COL5A2: variants seen among roughly 807,000 people sequenced by gnomAD.
COL5A2 encodes collagen type V alpha 2 chain.
In COL5A2, 23 loss-of-function variants were observed where a neutral mutation model predicts 208.2. The ratio of observed to expected loss-of-function variants is 0.11; its 90% CI spans 0.08 to 0.16. The LOEUF (loss-of-function observed/expected upper bound fraction) is 0.16. Ranked by LOEUF, COL5A2 falls within the 10% of genes least tolerant of loss-of-function variation. The pLI is 1.00. For synonymous variants in COL5A2, 625 were observed against 628.5 expected (o/e 0.99, Z 0.08); for missense variants, 1,590 against 1,956.4 (o/e 0.81, Z 3.53).
At chr2:189,440,405 G>C in the COL5A2 span, among the ~76,000 whole-genome samples, 1 of 152,144 alleles carries the variant, frequency 6.6e-6, no homozygotes, top group Non-Finnish European at 1.5e-5. Flanking sequence ...TTGCTCCTAG[G>C]CTACAAATCT....
chr2:189,329,393 T>C, the COL5A2 span, among the ~76,000 whole-genome samples: 1 of 152,202 alleles, frequency 6.6e-6, no homozygotes, highest in East Asian at 1.9e-4. Context: ...ACATGTTTTA[T>C]ACATCTATTG....
chr2:189,118,718 T>C lies in COL5A2; in HGVS notation c.98-8269A>G, dbSNP rs573224232. On this transcript the variant is annotated intron_variant, in intron 1 of 53. Transcript: ENST00000374866. ...GGAGGCATGGGTGAAAGGAGACTAG[T>C]GCTGTCATCCCAAAGGCCAATTTCT... is the stretch of plus-strand genomic sequence containing the variant. 1.1e-4 allele frequency among the ~76,000 whole-genome samples: 17 copies of C among 152,266 alleles called. No individual in the cohort carries two copies. In the South Asian group the frequency reaches 3.3e-3, roughly 30 times the overall value.
chr2:189,260,690 G>A, the COL5A2 span, among the ~76,000 whole-genome samples: 2 of 152,154 alleles, frequency 1.3e-5, no homozygotes, highest in Admixed American at 1.3e-4. Flanking sequence ...TCTGCTAATG[G>A]CATTTGGCAA....
chr2:189,439,896 T>C, the COL5A2 span, among the ~76,000 whole-genome samples: 7 of 152,218 alleles, frequency 4.6e-5, no homozygotes, highest in Non-Finnish European at 1.0e-4. Context: ...CTGTATCAGG[T>C]TACAAAGTAC....
intron 1 of COL5A2, among the ~76,000 whole-genome samples, chr2:189,209,548 C>G (rs1011814019): frequency 1.3e-5 from 2 of 152,172 alleles, no homozygotes; most frequent in Admixed American, 6.5e-5. Context: ...CCAGGTCACA[C>G]AGATAGTAGT....
intron 2 of COL5A2, among the ~76,000 whole-genome samples, chr2:189,109,066 C>T (rs1687208613): frequency 1.3e-5 from 2 of 150,972 alleles, no homozygotes; most frequent in African/African-American, 4.9e-5. Flanking sequence ...GTAAATTTAG[C>T]TGAACTCAAC....
chr2:189,419,898 GGAGAA>G, the COL5A2 span, among the ~76,000 whole-genome samples: 1 of 132,760 alleles, frequency 7.5e-6, no homozygotes, highest in African/African-American at 2.9e-5. Flanking sequence ...GGAGAGGAGA[GGAGAA>G]GAGGAGGAGG....
chr2:189,351,303 C>T, the COL5A2 span, among the ~76,000 whole-genome samples: 1 of 152,276 alleles, frequency 6.6e-6, no homozygotes, highest in Middle Eastern at 3.4e-3. Context: ...AGATTGTACA[C>T]GTATTCACAA....
chr2:189,389,643 T>C, the COL5A2 span, among the ~76,000 whole-genome samples: 1 of 152,180 alleles, frequency 6.6e-6, no homozygotes, highest in African/African-American at 2.4e-5. Context: ...GCTGGAAATC[T>C]GTAAAGGAGT....
chr2:189,249,100 G>A, the COL5A2 span, among the ~76,000 whole-genome samples: 33 of 152,038 alleles, frequency 2.2e-4, no homozygotes, highest in Non-Finnish European at 4.1e-4. Flanking sequence ...AAACTTTCAG[G>A]AAATGAAGTT....
At chr2:189,370,168 C>CT in the COL5A2 span, among the ~76,000 whole-genome samples, 40 of 152,130 alleles carry the variant, frequency 2.6e-4, no homozygotes, top group African/African-American at 8.7e-4. Context: ...TCTCCATTGT[C>CT]TTTTTTCTGG....
intron 16 of COL5A2, among the ~76,000 whole-genome samples, chr2:189,076,961 G>A (rs1022602138): frequency 7.2e-5 from 11 of 152,108 alleles, no homozygotes; most frequent in African/African-American, 2.7e-4. Context: ...TGTAGTCCCA[G>A]CTATTTGGGT....
the COL5A2 span, among the ~76,000 whole-genome samples, chr2:189,246,605 A>G: frequency 6.6e-6 from 1 of 152,228 alleles, no homozygotes; most frequent in Non-Finnish European, 1.5e-5. Context: ...AGAGGCTGAG[A>G]AACCTCATAG....
chr2:189,103,447 A>C (rs1270758023), intron 3 of COL5A2, among the ~76,000 whole-genome samples: 1 of 152,042 alleles, frequency 6.6e-6, no homozygotes, highest in African/African-American at 2.4e-5. Flanking sequence ...CTGTGTGCAA[A>C]AGTAAAGAAA....
chr2:189,035,178 T>G, intron 52 of COL5A2, 23 bp from the exon 53 acceptor site: 1 of 1,613,616 alleles, frequency 6.2e-7, no homozygotes, highest in Non-Finnish European at 8.5e-7. Flanking sequence ...AGAGTCTTTG[T>G]CATACACAAG....
intron 1 of COL5A2, among the ~76,000 whole-genome samples, chr2:189,139,671 T>C (rs577100152): frequency 2.0e-5 from 3 of 152,324 alleles, no homozygotes; most frequent in East Asian, 1.9e-4. Context: ...GAATGTAAGA[T>C]GTTAAGAAGA....
the COL5A2 span, among the ~76,000 whole-genome samples, chr2:189,436,380 T>TG: frequency 1.3e-5 from 2 of 151,228 alleles, no homozygotes; most frequent in East Asian, 3.9e-4. Context: ...TGTTGTGGGG[T>TG]GGGGGGAGCG....
chr2:189,357,709 T>A, the COL5A2 span, among the ~76,000 whole-genome samples: 1 of 143,772 alleles, frequency 7.0e-6, no homozygotes, highest in African/African-American at 2.6e-5. Context: ...CAGCCCCCTT[T>A]CCCAGGGAGT....
At chr2:189,068,186 T>C (rs766999605) in intron 20 of COL5A2, 40 bp downstream of exon 20, 4 of 1,609,370 alleles carry the variant, frequency 2.5e-6, no homozygotes, top group South Asian at 1.1e-5. Flanking sequence ...TAAAGAATCA[T>C]GCCCATTTGA....
Sources: allele counts gnomAD v4.1 joint callset (sites outside exome capture counted in the v4.1 genomes callset), GRCh38; gene constraint gnomAD v4.1.1; transcripts MANE v1.5; gene names NCBI Gene and HGNC (gene_info 2026-07-23, HGNC 2026-07-21).